The following ALPK2 variants were observed in gnomAD, a reference collection of about 807,000 sequenced individuals.
ALPK2 encodes alpha-protein kinase 2.
ALPK2 carries 127 observed loss-of-function variants against 163.1 expected under a neutral mutation model. That is an observed-to-expected ratio of 0.78 (90% confidence interval 0.67 to 0.90). ALPK2 has a LOEUF of 0.90. ALPK2 is among the 40% of genes least tolerant of loss of function. ALPK2 has a pLI of 0.00. For missense variants in ALPK2, 2,360 were observed against 2,589.6 expected (o/e 0.91, Z 1.92); for synonymous variants, 953 against 959.1 (o/e 0.99, Z 0.12).
At chr18:58,614,185 G>A (rs941753160) in intron 1 of ALPK2, among the ~76,000 whole-genome samples, 2 of 152,208 alleles carry the variant, frequency 1.3e-5, no homozygotes, top group African/African-American at 4.8e-5. Flanking sequence ...GCACTGAAAA[G>A]AGAGAAAACT....
chr18:58,503,857 C>T, intron 11 of ALPK2, 74 bp downstream of exon 11: 1 of 1,419,452 alleles, frequency 7.0e-7, no homozygotes, highest in Non-Finnish European at 9.7e-7. Context: ...CCTCTCCCTC[C>T]CCTCCCTCTC....
intron 12 of ALPK2, among the ~76,000 whole-genome samples, chr18:58,482,606 T>G (rs1391487971): frequency 6.6e-6 from 1 of 152,120 alleles, no homozygotes; most frequent in African/African-American, 2.4e-5. Flanking sequence ...CAGAGCTCAC[T>G]CCCCTGGCAG....
chr18:58,628,334 TA>T (rs1214202929), intron 1 of ALPK2, among the ~76,000 whole-genome samples: 1 of 152,222 alleles, frequency 6.6e-6, no homozygotes, highest in African/African-American at 2.4e-5. Context: ...AACTCTTGAC[TA>T]AAATACTCAA....
At chr18:58,600,925 C>G (rs1055809001) in intron 3 of ALPK2, among the ~76,000 whole-genome samples, 2 of 152,122 alleles carry the variant, frequency 1.3e-5, no homozygotes, top group African/African-American at 4.8e-5. Flanking sequence ...GATTCTAGAG[C>G]ATATTAAGTG....
At chr18:58,574,161 G>A (rs1234758221) in intron 4 of ALPK2, among the ~76,000 whole-genome samples, 3 of 152,028 alleles carry the variant, frequency 2.0e-5, no homozygotes, top group Non-Finnish European at 4.4e-5. Flanking sequence ...GATTTGGATG[G>A]TGCTGGTTGC....
chr18:58,544,490 C>T (rs1388042129), intron 4 of ALPK2: 1 of 152,156 alleles, frequency 6.6e-6, no homozygotes, highest in Non-Finnish European at 1.5e-5. Flanking sequence ...GATCCCTCTC[C>T]TCAAATAGCT....
intron 4 of ALPK2, chr18:58,544,351 G>A (rs2051706648): frequency 6.6e-6 from 1 of 152,146 alleles, no homozygotes; most frequent in South Asian, 2.1e-4. Context: ...TAATGGAAAG[G>A]TGTGTTTCCT....
At chr18:58,548,466 G>A (rs756607788) in intron 4 of ALPK2, among the ~76,000 whole-genome samples, 9 of 151,958 alleles carry the variant, frequency 5.9e-5, no homozygotes, top group Non-Finnish European at 1.0e-4. Context: ...ACTTACAAGC[G>A]AGTGCCACCA....
chr18:58,512,832 TGTGTGTGTGTATGTG>T (rs1309255688), intron 10 of ALPK2, among the ~76,000 whole-genome samples: 7 of 141,374 alleles, frequency 5.0e-5, no homozygotes, highest in Non-Finnish European at 9.2e-5. Flanking sequence ...ATGAGGTGTG[TGTGTGTGTGTATGTG>T]GTGTGTGTGT....
At chr18:58,612,244 C>T (rs753535247) in intron 1 of ALPK2, among the ~76,000 whole-genome samples, 8 of 152,318 alleles carry the variant, frequency 5.3e-5, no homozygotes, top group Non-Finnish European at 1.0e-4. Context: ...GTTAGTGCCA[C>T]CTCCTCTCAT....
chr18:58,535,807 G>A lies in ALPK2; in HGVS notation c.4380C>T (p.Thr1460=), dbSNP rs375060141. Residue 1460 remains threonine, a synonymous_variant, in exon 5 of 13, where the codon ACC becomes ACT. Coordinates refer to ENST00000361673, the MANE Select transcript of ALPK2 (RefSeq NM_052947.4). ...TGCTGATTCTATTTTCACTCAGAAT[G>A]GTTCCCTGGAGACATGGAACTTGCA... ...AILQVPCLQG[T]ILSENRISRS... is the part of the protein sequence containing the mutation. 3.2e-5 allele frequency: 51 copies of A among 1,614,094 alleles called. No homozygotes were observed. The African/African-American group carries it at 5.1e-4, about 16-fold the overall frequency.
rs1568092413 is a variant in ALPK2 at position 58,580,556 on chromosome 18, G to GTGAGATTGGCCAAGCTTGACCC, written c.228-9_228-8insGGGTCAAGCTTGGCCAATCTCA. ...GCATCATTTTTGGTACAGCTAGGAT[G>GTGAGATTGGCCAAGCTTGACCC]AAGAGAATATATAGATAAGTTTGCC... On this transcript the variant is annotated splice_polypyrimidine_tract_variant and intron_variant, in intron 3 of 12. Coordinates refer to ENST00000361673, the MANE Select transcript of ALPK2 (RefSeq NM_052947.4). 1 of 1,609,020 alleles carries GTGAGATTGGCCAAGCTTGACCC rather than the reference G, an allele frequency of 6.2e-7. No homozygotes were observed. Among genetic ancestry groups the GTGAGATTGGCCAAGCTTGACCC allele is most frequent in the Non-Finnish European group, 8.5e-7 (1 of 1,177,198 alleles).
intron 2 of ALPK2, among the ~76,000 whole-genome samples, chr18:58,608,657 G>A (rs1174927631): frequency 3.3e-5 from 5 of 152,278 alleles, no homozygotes; most frequent in Admixed American, 6.5e-5. Flanking sequence ...GATGAGAACC[G>A]CATGTTCTGG....
chr18:58,482,134 T>G, intron 12 of ALPK2, 95 bp from the exon 13 acceptor site: 2 of 855,952 alleles, frequency 2.3e-6, no homozygotes, highest in South Asian at 3.1e-5. Flanking sequence ...TAATGGTGCA[T>G]GGAACATATA....
intron 1 of ALPK2, among the ~76,000 whole-genome samples, chr18:58,627,371 A>G (rs914681384): frequency 6.6e-6 from 1 of 152,252 alleles, no homozygotes; most frequent in African/African-American, 2.4e-5. Flanking sequence ...CTGTAATCCC[A>G]AGACTTTGGG....
chr18:58,561,013 T>C (rs2051823152), intron 4 of ALPK2, among the ~76,000 whole-genome samples: 1 of 152,206 alleles, frequency 6.6e-6, no homozygotes, highest in African/African-American at 2.4e-5. Flanking sequence ...GGGATTACAA[T>C]GCTTCTGAAG....
At chr18:58,525,967 G>GAAAA (rs10653750) in intron 6 of ALPK2, among the ~76,000 whole-genome samples, 2,991 of 117,686 alleles carry the variant, frequency 0.025, 133 homozygotes, top group African/African-American at 0.082. Context: ...TGATGAAAAA[G>GAAAA]AAAAAAAAAA....
At position 58,482,046 on chromosome 18, in the gene ALPK2, G is replaced by T; in HGVS notation, c.6297-7C>A. The T allele has an allele frequency of 6.2e-7, 1 of 1,607,742 alleles. No homozygotes were observed. Among genetic ancestry groups the T allele is most frequent in the Non-Finnish European group, 8.5e-7 (1 of 1,174,620 alleles). On this transcript the variant is annotated splice_polypyrimidine_tract_variant and splice_region_variant and intron_variant, in intron 12 of 12. Coordinates refer to ENST00000361673, the MANE Select transcript of ALPK2 (RefSeq NM_052947.4). The stretch of plus-strand genomic sequence containing the variant: ...GCCTTTAAATCCCTTGTACCTGTGA[G>T]TTTGGGTGGAAGGAAACATAGCTTT...
At chr18:58,555,717 CAGTGGAG>C (rs2051786977) in intron 4 of ALPK2, among the ~76,000 whole-genome samples, 2 of 152,312 alleles carry the variant, frequency 1.3e-5, no homozygotes, top group East Asian at 3.9e-4. Flanking sequence ...CCAACCATTT[CAGTGGAG>C]ATGCTGGTGG....
Sources: allele counts gnomAD v4.1 joint callset (sites outside exome capture counted in the v4.1 genomes callset), GRCh38; gene constraint gnomAD v4.1.1; transcripts MANE v1.5; gene names NCBI Gene and HGNC (gene_info 2026-07-23, HGNC 2026-07-21).